Variants in CSNK2A2IP observed in about 807,000 individuals in gnomAD.
The protein encoded by CSNK2A2IP is casein kinase 2 subunit alpha' interacting protein, also known as casein kinase II subunit alpha'-interacting protein.
the CSNK2A2IP span, among the ~76,000 whole-genome samples, chr3:88,353,206 A>T: frequency 4.7e-3 from 717 of 152,286 alleles, 5 homozygotes; most frequent in Non-Finnish European, 8.1e-3. Context: ...GATTCTGGAA[A>T]GGCATTCACT....
the CSNK2A2IP span, among the ~76,000 whole-genome samples, chr3:88,414,833 A>G: frequency 3.9e-5 from 6 of 152,018 alleles, no homozygotes; most frequent in Admixed American, 6.6e-5. Context: ...TTAGGACTGT[A>G]CAGTATGTTA....
chr3:88,398,019 T>C, the CSNK2A2IP span, among the ~76,000 whole-genome samples: 1 of 152,074 alleles, frequency 6.6e-6, no homozygotes, highest in Non-Finnish European at 1.5e-5. Context: ...CTAAGTAAAA[T>C]TGGGGAACTG....
chr3:88,401,470 A>G, the CSNK2A2IP span, among the ~76,000 whole-genome samples: 640 of 152,238 alleles, frequency 4.2e-3, 2 homozygotes, highest in African/African-American at 0.013. Context: ...ATTAAATTAT[A>G]AAACAAAAAC....
At chr3:88,417,025 A>C in the CSNK2A2IP span, among the ~76,000 whole-genome samples, 1 of 151,522 alleles carries the variant, frequency 6.6e-6, no homozygotes, top group South Asian at 2.1e-4. Flanking sequence ...TTTTTATCAA[A>C]TAAATATTTT....
the CSNK2A2IP span, among the ~76,000 whole-genome samples, chr3:88,461,197 T>C: frequency 2.0e-5 from 3 of 152,232 alleles, no homozygotes; most frequent in Admixed American, 6.5e-5. Context: ...TTTATTTACA[T>C]ATTCTGCTAT....
the CSNK2A2IP span, among the ~76,000 whole-genome samples, chr3:88,346,711 A>T: frequency 6.6e-6 from 1 of 152,022 alleles, no homozygotes; most frequent in Non-Finnish European, 1.5e-5. Context: ...AAATATTACC[A>T]TTTATTAACA....
chr3:88,453,172 C>G, the CSNK2A2IP span, among the ~76,000 whole-genome samples: 3 of 151,930 alleles, frequency 2.0e-5, no homozygotes, highest in East Asian at 5.8e-4. Context: ...AGTTGGTTCC[C>G]AAAAGAGAGT....
the CSNK2A2IP span, among the ~76,000 whole-genome samples, chr3:88,353,283 TCA>T: frequency 1.3e-5 from 2 of 152,182 alleles, no homozygotes; most frequent in Admixed American, 1.3e-4. Flanking sequence ...ACTGTGCAAG[TCA>T]CAGAGGAAAT....
the CSNK2A2IP span, among the ~76,000 whole-genome samples, chr3:88,397,116 A>G: frequency 6.6e-6 from 1 of 152,196 alleles, no homozygotes. Flanking sequence ...AGTAGAAGAT[A>G]AACATTTACC....
the CSNK2A2IP span, among the ~76,000 whole-genome samples, chr3:88,461,380 C>T: frequency 6.6e-6 from 1 of 151,808 alleles, no homozygotes; most frequent in Non-Finnish European, 1.5e-5. Flanking sequence ...GGTGAAACCC[C>T]GTCTCTACTA....
the CSNK2A2IP span, among the ~76,000 whole-genome samples, chr3:88,364,245 T>C: frequency 1.3e-5 from 2 of 152,180 alleles, no homozygotes; most frequent in African/African-American, 2.4e-5. Flanking sequence ...GTGTCCAGTG[T>C]TCTGAAAAAC....
At chr3:88,463,509 C>T in the CSNK2A2IP span, among the ~76,000 whole-genome samples, 1 of 152,072 alleles carries the variant, frequency 6.6e-6, no homozygotes, top group East Asian at 1.9e-4. Flanking sequence ...ACAGACACTT[C>T]TCAAAAGAAG....
chr3:88,418,841 G>A, the CSNK2A2IP span, among the ~76,000 whole-genome samples: 3 of 152,076 alleles, frequency 2.0e-5, no homozygotes, highest in Non-Finnish European at 4.4e-5. Flanking sequence ...TAGGAGCTGG[G>A]CCACACAGCA....
chr3:88,409,107 G>A, the CSNK2A2IP span, among the ~76,000 whole-genome samples: 1 of 152,042 alleles, frequency 6.6e-6, no homozygotes. Context: ...TCGGTGTCAA[G>A]TGTCTTCATA....
the CSNK2A2IP span, among the ~76,000 whole-genome samples, chr3:88,401,600 G>A: frequency 3.9e-5 from 6 of 152,024 alleles, no homozygotes; most frequent in African/African-American, 1.4e-4. Flanking sequence ...AGTCTTTTAG[G>A]AGAAAGATAG....
At chr3:88,400,454 A>G in the CSNK2A2IP span, among the ~76,000 whole-genome samples, 11 of 152,202 alleles carry the variant, frequency 7.2e-5, no homozygotes, top group African/African-American at 2.2e-4. Flanking sequence ...CCATGAGTAT[A>G]TTATCATACA....
the CSNK2A2IP span, among the ~76,000 whole-genome samples, chr3:88,383,489 AT>A: frequency 6.6e-6 from 1 of 152,100 alleles, no homozygotes; most frequent in Non-Finnish European, 1.5e-5. Context: ...AGTCTTCATT[AT>A]TTTTAGCTCT....
the CSNK2A2IP span, among the ~76,000 whole-genome samples, chr3:88,454,003 A>G: frequency 6.6e-6 from 1 of 152,064 alleles, no homozygotes; most frequent in Non-Finnish European, 1.5e-5. Context: ...TTTTAAAGAA[A>G]GGATAAAGTG....
the CSNK2A2IP span, among the ~76,000 whole-genome samples, chr3:88,433,182 A>C: frequency 1.3e-5 from 2 of 152,120 alleles, no homozygotes; most frequent in Non-Finnish European, 2.9e-5. Context: ...TTTAGTGGTC[A>C]CTTTTTTATT....
Sources: allele counts gnomAD v4.1 joint callset (sites outside exome capture counted in the v4.1 genomes callset), GRCh38; gene constraint gnomAD v4.1.1; transcripts MANE v1.5; gene names NCBI Gene and HGNC (gene_info 2026-07-23, HGNC 2026-07-21).